DPP6: variants seen among roughly 807,000 people sequenced by gnomAD.
DPP6 encodes A-type potassium channel modulatory protein DPP6.
Under a neutral mutation model 122.6 loss-of-function variants are expected in DPP6, and 69 were observed. That is an observed-to-expected ratio of 0.56 (90% confidence interval 0.46 to 0.69). The LOEUF is 0.69. Among genes scored for constraint, DPP6 ranks in the 30% least tolerant of loss-of-function variants. The pLI, the probability that DPP6 is intolerant of heterozygous loss-of-function variation, is 0.00. For synonymous variants in DPP6, 418 were observed against 433.1 expected (o/e 0.97, Z 0.43); for missense variants, 928 against 1,116.9 (o/e 0.83, Z 2.41).
chr7:154,508,432 A>G (rs971444473), intron 3 of DPP6, among the ~76,000 whole-genome samples: 1 of 152,146 alleles, frequency 6.6e-6, no homozygotes, highest in South Asian at 2.1e-4. Context: ...GATACTCTGT[A>G]TCTTGATGGC....
chr7:154,824,807 C>T (rs939668288), intron 16 of DPP6, among the ~76,000 whole-genome samples: 7 of 152,184 alleles, frequency 4.6e-5, no homozygotes, highest in African/African-American at 1.7e-4. Context: ...GTGGCAAACG[C>T]AGGTGCCCAC....
At chr7:154,106,751 T>C (rs1806190016) in intron 1 of DPP6, among the ~76,000 whole-genome samples, 1 of 152,026 alleles carries the variant, frequency 6.6e-6, no homozygotes, top group Non-Finnish European at 1.5e-5. Context: ...GCACAGTCCC[T>C]GGAGAGAAAA....
the DPP6 span, among the ~76,000 whole-genome samples, chr7:153,782,591 G>C: frequency 3.3e-5 from 5 of 152,158 alleles, no homozygotes; most frequent in African/African-American, 1.2e-4. Flanking sequence ...CAACAAAATA[G>C]TTCTAAATGA....
At chr7:154,553,103 G>A (rs1424937192) in intron 4 of DPP6, among the ~76,000 whole-genome samples, 1 of 152,206 alleles carries the variant, frequency 6.6e-6, no homozygotes, top group Non-Finnish European at 1.5e-5. Flanking sequence ...CAATAAGAAA[G>A]GGGTTTGTAG....
At chr7:154,439,986 G>C (rs561218300) in intron 1 of DPP6, among the ~76,000 whole-genome samples, 1 of 152,196 alleles carries the variant, frequency 6.6e-6, no homozygotes, top group Non-Finnish European at 1.5e-5. Context: ...CATGGAGGAC[G>C]TGGTGGACAC....
intron 12 of DPP6, chr7:154,796,208 C>T (rs989405517): frequency 9.6e-6 from 3 of 313,546 alleles, no homozygotes; most frequent in African/African-American, 6.4e-5. Context: ...TCAAAGGTGG[C>T]TTAACATAAT....
chr7:153,962,739 C>T (rs186225667), intron 1 of DPP6, among the ~76,000 whole-genome samples: 1 of 152,190 alleles, frequency 6.6e-6, no homozygotes, highest in African/African-American at 2.4e-5. Context: ...CTATCATCCA[C>T]CCATGTGGAA....
intron 1 of DPP6, among the ~76,000 whole-genome samples, chr7:154,139,046 G>T (rs1795716388): frequency 6.6e-6 from 1 of 151,936 alleles, no homozygotes; most frequent in African/African-American, 2.4e-5. Flanking sequence ...CTCAGAGGAG[G>T]TCCTCAAGCA....
intron 1 of DPP6, among the ~76,000 whole-genome samples, chr7:153,959,752 A>G (rs1329794847): frequency 6.6e-6 from 1 of 152,252 alleles, no homozygotes; most frequent in Non-Finnish European, 1.5e-5. Flanking sequence ...TCATGTCAGC[A>G]ATAAGGCTGT....
At chr7:153,999,937 G>A (rs577474274) in intron 1 of DPP6, among the ~76,000 whole-genome samples, 1 of 151,948 alleles carries the variant, frequency 6.6e-6, no homozygotes, top group East Asian at 1.9e-4. Context: ...TCCAGCCTGG[G>A]TGACAAAGTG....
At chr7:154,561,351 C>T (rs1173138419) in intron 4 of DPP6, among the ~76,000 whole-genome samples, 1 of 152,114 alleles carries the variant, frequency 6.6e-6, no homozygotes, top group Non-Finnish European at 1.5e-5. Flanking sequence ...TATGCTGGGC[C>T]ATTAAACAAG....
chr7:154,330,039 A>G (rs1446550406), intron 1 of DPP6, among the ~76,000 whole-genome samples: 1 of 145,122 alleles, frequency 6.9e-6, no homozygotes, highest in Non-Finnish European at 1.5e-5. Context: ...CGGGCGGTGG[A>G]GGGGAAGGGG....
intron 1 of DPP6, among the ~76,000 whole-genome samples, chr7:153,965,588 C>T (rs1486894560): frequency 6.6e-6 from 1 of 152,208 alleles, no homozygotes; most frequent in Non-Finnish European, 1.5e-5. Context: ...TTTCAGCTCA[C>T]TGCAAGCTCC....
chr7:154,446,378 A>C, intron 2 of DPP6, 50 bp downstream of exon 2: 1 of 1,462,014 alleles, frequency 6.8e-7, no homozygotes, highest in East Asian at 2.4e-5. Context: ...GAGAAAGAGC[A>C]TAATTTTACC....
rs183507545 is a variant in DPP6 at position 154,615,509 on chromosome 7, C to T, written c.628-22312C>T. 3.3e-5 allele frequency among the ~76,000 whole-genome samples: 5 copies of T among 152,294 alleles called. No homozygotes were observed. The East Asian group carries it at 9.6e-4, about 29-fold the overall frequency. On this transcript the variant is annotated intron_variant, in intron 5 of 25. Transcript: ENST00000377770. ...GTTTTTGTGGAAAAAAATGTATACA[C>T]ATAACGTTTATTATTTTAACCATCC...
the DPP6 span, among the ~76,000 whole-genome samples, chr7:153,789,107 G>T: frequency 2.0e-5 from 3 of 152,148 alleles, no homozygotes; most frequent in African/African-American, 7.2e-5. Context: ...TTTCAGAAAT[G>T]CTGTATCACT....
chr7:153,830,107 G>A, the DPP6 span, among the ~76,000 whole-genome samples: 1 of 152,200 alleles, frequency 6.6e-6, no homozygotes, highest in East Asian at 1.9e-4. Flanking sequence ...CAACAATAAT[G>A]TACTTGTCTC....
At chr7:154,294,815 A>C (rs530753834) in intron 1 of DPP6, among the ~76,000 whole-genome samples, 2 of 152,070 alleles carry the variant, frequency 1.3e-5, no homozygotes, top group African/African-American at 4.8e-5. Flanking sequence ...TGCATCACCC[A>C]CCCTGGTGTG....
At chr7:153,976,498 G>A (rs577668545) in intron 1 of DPP6, among the ~76,000 whole-genome samples, 1 of 152,088 alleles carries the variant, frequency 6.6e-6, no homozygotes, top group African/African-American at 2.4e-5. Context: ...AAGATATTTC[G>A]CTAAAACTGC....
Sources: allele counts gnomAD v4.1 joint callset (sites outside exome capture counted in the v4.1 genomes callset), GRCh38; gene constraint gnomAD v4.1.1; transcripts MANE v1.5; gene names NCBI Gene and HGNC (gene_info 2026-07-23, HGNC 2026-07-21).